The following ECE1 variants were observed in gnomAD, a reference collection of about 807,000 sequenced individuals.
ECE1 encodes endothelin converting enzyme 1.
Under a neutral mutation model 98.6 loss-of-function variants are expected in ECE1, and 35 were observed. That is an observed-to-expected ratio of 0.35 (90% CI 0.27 to 0.47). The LOEUF is 0.47. ECE1 is among the 20% of genes least tolerant of loss of function. The probability of loss-of-function intolerance (pLI) is 1.00; values close to 1 mark genes in which losing one functional copy is unlikely to be tolerated. For synonymous variants in ECE1, 394 were observed against 407.1 expected (o/e 0.97, Z 0.39); for missense variants, 814 against 1,025.3 (o/e 0.79, Z 2.81).
At position 21,279,217 on chromosome 1, in the gene ECE1, GCCAAGCAGGCCAC is replaced by G. The variant is rs1335612108; in HGVS notation, c.241_253del (p.Val81GlnfsTer16). 2.5e-6 allele frequency: 4 copies of G among 1,614,082 alleles called. No individual in the cohort carries two copies. The highest frequency in any genetic ancestry group is 3.4e-6 in the Non-Finnish European group (4 of 1,180,052). On this transcript the variant is annotated frameshift_variant, in exon 3 of 19. Transcript: ENST00000374893. LOFTEE classifies it high-confidence loss of function. ...TGTCTGGTACTGGATGCCCAGTGCTGCCAAGCAGGCCACCAGTCCTGCCGCCAGAAGTACCACC... is the reference window on the plus strand; with the variant it reads ...TGTCTGGTACTGGATGCCCAGTGCTGCAGTCCTGCCGCCAGAAGTACCACC...
At chr1:21,336,045 G>C (rs1639300363) in intron 1 of ECE1, among the ~76,000 whole-genome samples, 1 of 152,210 alleles carries the variant, frequency 6.6e-6, no homozygotes, top group African/African-American at 2.4e-5. Flanking sequence ...GAGTGAATCT[G>C]GGGCATTAAG....
At chr1:21,265,236 G>T (rs1023496685) in intron 4 of ECE1, among the ~76,000 whole-genome samples, 1 of 152,168 alleles carries the variant, frequency 6.6e-6, no homozygotes, top group African/African-American at 2.4e-5. Flanking sequence ...CCTGCGGGAG[G>T]TGACTGGGCT....
intron 2 of ECE1, among the ~76,000 whole-genome samples, chr1:21,282,933 CATT>C (rs1347513537): frequency 6.1e-5 from 8 of 131,110 alleles, no homozygotes; most frequent in African/African-American, 9.1e-5. Context: ...ATCTTCACAA[CATT>C]ATTTTTTTTT....
intron 4 of ECE1, among the ~76,000 whole-genome samples, chr1:21,263,403 C>A (rs985599944): frequency 6.7e-6 from 1 of 150,370 alleles, no homozygotes; most frequent in African/African-American, 2.5e-5. Context: ...TGTCACTAGG[C>A]TGGAGCGCAG....
In ECE1 at chr1:21,312,303, T is replaced by TG. The variant is rs1242325765; in HGVS notation, c.4-22148dup. ...AAATATAAAAATTAGCTGGGCATGG[T>TG]GGGGGGCACCTGTAGTCCCAGCTAC... On this transcript the variant is annotated intron_variant, in intron 1 of 18. Coordinates refer to the ECE1 transcript ENST00000415912. 4.7e-5 allele frequency among the ~76,000 whole-genome samples: 7 copies of TG among 149,750 alleles called. No individual in the cohort carries two copies. In the East Asian group the frequency reaches 6.0e-4, roughly 13 times the overall value.
At chr1:21,264,307 A>G (rs1331310961) in intron 4 of ECE1, among the ~76,000 whole-genome samples, 3 of 105,398 alleles carry the variant, frequency 2.8e-5, no homozygotes, top group Non-Finnish European at 5.5e-5. Context: ...GAATATACCA[A>G]TTCCCCCCCC....
chr1:21,242,905 A>C (rs1359388979), intron 10 of ECE1, among the ~76,000 whole-genome samples: 2 of 152,228 alleles, frequency 1.3e-5, no homozygotes, highest in Non-Finnish European at 2.9e-5. Context: ...CTCAGCCTCC[A>C]GGGTAGCTGG....
chr1:21,250,561 G>C (rs1450590874), intron 8 of ECE1, among the ~76,000 whole-genome samples: 1 of 152,182 alleles, frequency 6.6e-6, no homozygotes, highest in Non-Finnish European at 1.5e-5. Context: ...CAAAATGCAA[G>C]ACAAAGGAGG....
intron 3 of ECE1, among the ~76,000 whole-genome samples, chr1:21,275,867 G>A (rs914518673): frequency 1.8e-4 from 28 of 152,002 alleles, no homozygotes; most frequent in African/African-American, 4.6e-4. Flanking sequence ...GCCCCTCAGC[G>A]GCCTGGGTGC....
chr1:21,246,441 G>A (rs1168387931), intron 9 of ECE1, among the ~76,000 whole-genome samples: 1 of 147,430 alleles, frequency 6.8e-6, no homozygotes, highest in Non-Finnish European at 1.5e-5. Context: ...AGAGGTTGCA[G>A]TGAGTTGAGA....
chr1:21,308,587 T>C (rs1228712261), intron 1 of ECE1, among the ~76,000 whole-genome samples: 1 of 152,082 alleles, frequency 6.6e-6, no homozygotes, highest in African/African-American at 2.4e-5. Context: ...TCCAGGGCCC[T>C]GGACATGGAC....
chr1:21,317,787 A>C (rs1368711463), intron 1 of ECE1, among the ~76,000 whole-genome samples: 1 of 152,204 alleles, frequency 6.6e-6, no homozygotes, highest in Non-Finnish European at 1.5e-5. Flanking sequence ...CTGGAGACGC[A>C]CGAGTGGGTC....
rs532767255 is a variant in ECE1, at chr1:21,265,887, C to A, written c.494-5495G>T. Reference sequence around the variant, plus strand: ...CATTTTGGAGACAGCAGCACTTCTGCGGCCTCCTTGTACTATGAAGATCTT... The same window carrying A: ...CATTTTGGAGACAGCAGCACTTCTGAGGCCTCCTTGTACTATGAAGATCTT... On this transcript the variant is annotated intron_variant, in intron 4 of 18. Transcript: ENST00000374893. 2.0e-5 allele frequency among the ~76,000 whole-genome samples: 3 copies of A among 152,276 alleles called. No homozygotes were observed. The East Asian group carries it at 5.8e-4, about 29-fold the overall frequency.
At chr1:21,329,828 G>A (rs1476439237) in intron 1 of ECE1, among the ~76,000 whole-genome samples, 1 of 152,172 alleles carries the variant, frequency 6.6e-6, no homozygotes, top group Non-Finnish European at 1.5e-5. Flanking sequence ...GGAGAGAGTG[G>A]GAGTTTGTGA....
chr1:21,280,613 C>A (rs1485751803), intron 2 of ECE1, among the ~76,000 whole-genome samples: 1 of 152,110 alleles, frequency 6.6e-6, no homozygotes, highest in Non-Finnish European at 1.5e-5. Context: ...GCAAGGCTTG[C>A]CAGGAAGAGG....
rs1237118510 is a variant in ECE1 at position 21,233,893 on chromosome 1, T to C, written c.1567-232A>G. ...GCAGTGCCTGGGCCCAGGCAAGAAA[T>C]ATCTCCCATGTTGTCCAATAGAACC... On this transcript the variant is annotated intron_variant, in intron 13 of 18. Transcript: ENST00000374893. The surrounding 1 kb of genome is among the most constrained non-coding windows in gnomAD (Gnocchi z 4.0). Among the ~76,000 whole-genome samples the C allele has an allele frequency of 2.0e-5, 3 of 152,026 alleles. No homozygotes were observed. The highest frequency in any genetic ancestry group is 2.0e-4 in the Admixed American group (3 of 15,260).
At chr1:21,276,026 CTTT>C (rs532213567) in intron 3 of ECE1, among the ~76,000 whole-genome samples, 74 of 91,256 alleles carry the variant, frequency 8.1e-4, no homozygotes, top group African/African-American at 2.7e-3. Context: ...TTAATACGTG[CTTT>C]TTTTTTTTTT....
chr1:21,270,579 C>A (rs1182330923), intron 4 of ECE1, among the ~76,000 whole-genome samples: 1 of 152,196 alleles, frequency 6.6e-6, no homozygotes, highest in Admixed American at 6.5e-5. Context: ...CAGCTTCCAC[C>A]CTGCAGGATC....
At chr1:21,290,732 A>G (rs1166925694), upstream of ECE1, among the ~76,000 whole-genome samples, 1 of 152,210 alleles carries the variant, frequency 6.6e-6, no homozygotes, top group East Asian at 1.9e-4. This position sits in a 1 kb window ranked among gnomAD's most constrained non-coding sequence, Gnocchi z 7.3. Context: ...TAACAAAAGT[A>G]TCAGGAAGGT....
Sources: allele counts gnomAD v4.1 joint callset (sites outside exome capture counted in the v4.1 genomes callset), GRCh38; gene constraint gnomAD v4.1.1; non-coding constraint Gnocchi (gnomAD v3.1); transcripts MANE v1.5; gene names NCBI Gene and HGNC (gene_info 2026-07-23, HGNC 2026-07-21).